The following MAP4 variants were observed in gnomAD, a reference collection of about 807,000 sequenced individuals.
MAP4 encodes microtubule associated protein 4, also known as microtubule-associated protein 4.
A neutral mutation model predicts 170.2 loss-of-function variants in MAP4; 76 were observed. The ratio of observed to expected loss-of-function variants is 0.45; its 90% CI spans 0.37 to 0.54. MAP4 has a LOEUF of 0.54. MAP4 is among the 20% of genes least tolerant of loss of function. The probability of loss-of-function intolerance (pLI) is 0.00; values close to 1 mark genes in which losing one functional copy is unlikely to be tolerated. For synonymous variants in MAP4, 909 were observed against 994.5 expected, an observed-to-expected ratio of 0.91 and a Z score of 1.62; for missense variants, 2,506 against 2,748.0, an observed-to-expected ratio of 0.91 and a Z score of 1.97.
chr3:48,027,732 G>A (rs2100113850), intron 1 of MAP4, among the ~76,000 whole-genome samples: 1 of 152,078 alleles, frequency 6.6e-6, no homozygotes, highest in East Asian at 1.9e-4. Flanking sequence ...CAGCTACTCA[G>A]GAGACTAAAA....
chr3:48,011,857 G>C (rs890940523), intron 1 of MAP4, among the ~76,000 whole-genome samples: 4 of 152,124 alleles, frequency 2.6e-5, no homozygotes, highest in East Asian at 3.8e-4. Flanking sequence ...GTTATCCTTT[G>C]GGAGCTGTTA....
intron 1 of MAP4, among the ~76,000 whole-genome samples, chr3:48,086,059 T>A (rs570546497): frequency 4.5e-4 from 63 of 139,668 alleles, no homozygotes; most frequent in Non-Finnish European, 7.3e-4. Context: ...CTCAAAAAAA[T>A]ATATATATAT....
intron 1 of MAP4, among the ~76,000 whole-genome samples, chr3:48,065,825 T>C (rs931108313): frequency 6.6e-6 from 1 of 151,996 alleles, no homozygotes; most frequent in African/African-American, 2.4e-5. Context: ...GATAATGGAA[T>C]GATAAGTTCA....
upstream of MAP4, among the ~76,000 whole-genome samples, chr3:48,016,922 A>G (rs1379188355): frequency 6.6e-6 from 1 of 152,066 alleles, no homozygotes; most frequent in Non-Finnish European, 1.5e-5. Flanking sequence ...GATTGCAGGC[A>G]TGCACACCAC....
intron 3 of MAP4, among the ~76,000 whole-genome samples, chr3:47,940,361 C>G (rs949408981): frequency 6.6e-6 from 1 of 152,150 alleles, no homozygotes; most frequent in Non-Finnish European, 1.5e-5. Flanking sequence ...GGCAAACTCC[C>G]CTGTAGAAAC....
At chr3:48,004,775 C>T (rs968569248) in intron 1 of MAP4, among the ~76,000 whole-genome samples, 1 of 152,134 alleles carries the variant, frequency 6.6e-6, no homozygotes, top group African/African-American at 2.4e-5. Flanking sequence ...AGTTTATAAA[C>T]TCTGGTGAAC....
At chr3:47,932,246 A>G (rs972714989) in intron 3 of MAP4, among the ~76,000 whole-genome samples, 15 of 152,220 alleles carry the variant, frequency 9.9e-5, no homozygotes, top group Admixed American at 1.3e-4. Flanking sequence ...TCCATGCTGT[A>G]GTATGGTAAC....
chr3:47,882,956 G>A (rs572205040), intron 10 of MAP4, among the ~76,000 whole-genome samples: 57 of 151,770 alleles, frequency 3.8e-4, no homozygotes, highest in South Asian at 2.5e-3. Flanking sequence ...ACACGTGTGC[G>A]CTACCATGCT....
intron 3 of MAP4, among the ~76,000 whole-genome samples, chr3:47,956,799 A>T (rs1578288506): frequency 6.6e-6 from 1 of 152,330 alleles, no homozygotes; most frequent in East Asian, 1.9e-4. Context: ...TTGCTCAATA[A>T]AACCCATGGA....
At chr3:48,051,691 T>C (rs1032572792) in intron 1 of MAP4, among the ~76,000 whole-genome samples, 1 of 152,174 alleles carries the variant, frequency 6.6e-6, no homozygotes, top group Admixed American at 6.5e-5. Context: ...CACATAATCA[T>C]GTTCATTCAA....
intron 10 of MAP4, among the ~76,000 whole-genome samples, chr3:47,884,952 T>C (rs2097323923): frequency 6.6e-6 from 1 of 152,082 alleles, no homozygotes. Context: ...ACCAGGCCTA[T>C]AGCTTCTGCT....
chr3:47,886,232 T>C (rs1050766809), intron 10 of MAP4, among the ~76,000 whole-genome samples: 2 of 152,236 alleles, frequency 1.3e-5, no homozygotes, highest in Non-Finnish European at 2.9e-5. Flanking sequence ...CAGAAACTGC[T>C]TTCTCTCTCC....
chr3:47,882,211 G>A (rs1310856690), intron 10 of MAP4, among the ~76,000 whole-genome samples: 1 of 152,126 alleles, frequency 6.6e-6, no homozygotes, highest in East Asian at 1.9e-4. Context: ...CCTGGGAAGT[G>A]AAGGTTGCAG....
chr3:47,872,575 A>T (rs1258650253), intron 12 of MAP4, among the ~76,000 whole-genome samples: 1 of 152,194 alleles, frequency 6.6e-6, no homozygotes, highest in Non-Finnish European at 1.5e-5. Context: ...TTCTAAGAGC[A>T]AAGTCCTCCA....
intron 1 of MAP4, among the ~76,000 whole-genome samples, chr3:48,086,089 T>C (rs1341461309): frequency 1.3e-5 from 2 of 149,624 alleles, no homozygotes; most frequent in Non-Finnish European, 3.0e-5. Context: ...TATGTATGTA[T>C]GTGTGTATAT....
chr3:47,957,226 G>A (rs539548466), intron 3 of MAP4, among the ~76,000 whole-genome samples: 23 of 152,298 alleles, frequency 1.5e-4, no homozygotes, highest in Admixed American at 7.8e-4. Flanking sequence ...GGAGTGCAGT[G>A]GCACGATCTT....
chr3:47,885,108 G>A (rs1192598007), intron 10 of MAP4, among the ~76,000 whole-genome samples: 1 of 151,934 alleles, frequency 6.6e-6, no homozygotes, highest in Non-Finnish European at 1.5e-5. Flanking sequence ...TGTTTTTTTG[G>A]CAATAGAGAA....
chr3:47,918,695 TA>T, intron 6 of MAP4, 23 bp downstream of exon 6: 1 of 1,586,338 alleles, frequency 6.3e-7, no homozygotes, highest in Non-Finnish European at 8.6e-7. Flanking sequence ...CATTAACTGA[TA>T]AAGGGAGTCT....
chr3:47,932,730 G>A (rs1474952559), intron 3 of MAP4, among the ~76,000 whole-genome samples: 1 of 152,150 alleles, frequency 6.6e-6, no homozygotes, highest in Non-Finnish European at 1.5e-5. Context: ...CTTTGGAGAC[G>A]TGAAATGAGT....
Sources: allele counts gnomAD v4.1 joint callset (sites outside exome capture counted in the v4.1 genomes callset), GRCh38; gene constraint gnomAD v4.1.1; transcripts MANE v1.5; gene names NCBI Gene and HGNC (gene_info 2026-07-23, HGNC 2026-07-21).